IQGAP1: variants seen among roughly 807,000 people sequenced by gnomAD.
The protein encoded by IQGAP1 is IQ motif containing GTPase activating protein 1.
A neutral mutation model predicts 215.6 loss-of-function variants in IQGAP1; 66 were observed. That is an observed-to-expected ratio of 0.31 (90% CI 0.25 to 0.38). The LOEUF (loss-of-function observed/expected upper bound fraction) is 0.38. Among genes scored for constraint, IQGAP1 ranks in the 10% least tolerant of loss-of-function variants. IQGAP1 has a pLI of 1.00. For missense variants in IQGAP1, 1,712 were observed against 1,997.1 expected, an observed-to-expected ratio of 0.86 and a Z score of 2.72; for synonymous variants, 772 against 728.7, an observed-to-expected ratio of 1.06 and a Z score of -0.96.
chr15:90,455,297 G>A (rs1480798646), intron 14 of IQGAP1, among the ~76,000 whole-genome samples: 6 of 152,174 alleles, frequency 3.9e-5, no homozygotes, highest in African/African-American at 2.4e-5. Context: ...GCTCCCTGGA[G>A]AATGGGAGGC....
At chr15:90,436,283 G>C (rs1567125668) in intron 5 of IQGAP1, among the ~76,000 whole-genome samples, 1 of 152,090 alleles carries the variant, frequency 6.6e-6, no homozygotes, top group Admixed American at 6.6e-5. Flanking sequence ...TAATGGATTG[G>C]ATTGAGGATG....
intron 6 of IQGAP1, among the ~76,000 whole-genome samples, chr15:90,439,611 T>A (rs1167119779): frequency 6.6e-6 from 1 of 152,210 alleles, no homozygotes; most frequent in Non-Finnish European, 1.5e-5. Flanking sequence ...GTGAACATGA[T>A]TAGTGAGTCT....
intron 2 of IQGAP1, chr15:90,393,720 A>G (rs1276323685): frequency 2.0e-5 from 3 of 152,134 alleles, no homozygotes; most frequent in Non-Finnish European, 4.4e-5. Context: ...GCTACTCTAG[A>G]GCGTCTTTTT....
At chr15:90,485,663 C>T (rs746705825) in intron 30 of IQGAP1, among the ~76,000 whole-genome samples, 1 of 152,110 alleles carries the variant, frequency 6.6e-6, no homozygotes, top group Non-Finnish European at 1.5e-5. Flanking sequence ...TGGTCTTGAA[C>T]GCCTGACCTC....
intron 18 of IQGAP1, among the ~76,000 whole-genome samples, chr15:90,469,201 A>G (rs543165476): frequency 1.3e-5 from 2 of 152,182 alleles, no homozygotes; most frequent in East Asian, 1.9e-4. Flanking sequence ...TACTGGGGGA[A>G]GATGCTCAGT....
chr15:90,409,185 C>T (rs1175641859), intron 2 of IQGAP1, among the ~76,000 whole-genome samples: 1 of 151,774 alleles, frequency 6.6e-6, no homozygotes, highest in African/African-American at 2.4e-5. Context: ...TCCTAGATAC[C>T]CTGATTGTTT....
chr15:90,447,276 A>G (rs1965539709), intron 9 of IQGAP1, among the ~76,000 whole-genome samples: 1 of 152,216 alleles, frequency 6.6e-6, no homozygotes, highest in Non-Finnish European at 1.5e-5. Context: ...AGAAATAAAC[A>G]GTATCTTAGG....
intron 2 of IQGAP1, among the ~76,000 whole-genome samples, chr15:90,392,532 C>G (rs1222968215): frequency 2.0e-5 from 3 of 152,100 alleles, no homozygotes; most frequent in East Asian, 1.9e-4. Flanking sequence ...CCTTCCTTCC[C>G]CCATCCAAAG....
intron 15 of IQGAP1, among the ~76,000 whole-genome samples, chr15:90,456,543 T>C (rs1215561368): frequency 2.0e-5 from 3 of 152,034 alleles, no homozygotes; most frequent in African/African-American, 7.2e-5. Context: ...TTGTTGACAG[T>C]CTTTTGTGTC....
At chr15:90,420,047 G>A (rs1342937968) in intron 2 of IQGAP1, among the ~76,000 whole-genome samples, 1 of 152,142 alleles carries the variant, frequency 6.6e-6, no homozygotes, top group Middle Eastern at 3.2e-3. Flanking sequence ...GTGGGTAGGT[G>A]CTATTATTAT....
At chr15:90,489,353 C>G (rs1966172436) in intron 33 of IQGAP1, among the ~76,000 whole-genome samples, 1 of 152,094 alleles carries the variant, frequency 6.6e-6, no homozygotes, top group South Asian at 2.1e-4. Context: ...GTCTCAAACT[C>G]TTGACCTCAA....
At position 90,486,186 on chromosome 15, in the gene IQGAP1, T is replaced by A. The variant is rs148421943; in HGVS notation, c.4024+54T>A. 1,816 of 1,253,240 alleles carry A rather than the reference T, an allele frequency of 1.4e-3. 10 individuals carry two copies. In the African/African-American group the frequency reaches 0.017, roughly 12 times the overall value. The allele number at this position is 1,253,240 out of a possible 1,614,324, so 77.6% of individuals were successfully genotyped here. A position where few individuals can be genotyped will look rare whatever the true frequency, so the allele number is the denominator to read the frequency against. ...CAAAAGGGAATGTGACAGAAAAGTG[T>A]TGTAATTGTCACCTCCTCTATTTTT... On this transcript the variant is annotated intron_variant, in intron 31 of 37. Transcript: ENST00000268182.
chr15:90,429,727 C>T, intron 4 of IQGAP1, 61 bp downstream of exon 4: 1 of 1,038,428 alleles, frequency 9.6e-7, no homozygotes, highest in Non-Finnish European at 1.4e-6. Context: ...AACCCTCAAA[C>T]AACCTGTTCT....
At position 90,388,262 on chromosome 15, in the gene IQGAP1, C is replaced by G; in HGVS notation, c.-80C>G. On this transcript the variant is annotated 5_prime_UTR_variant, in exon 1 of 38. Transcript: ENST00000268182. Reference sequence around the variant, plus strand: ...TCGGGGACCCCGGCAAGCCCGCGCACTTGGCAGGAGCTGTAGCTACCGCCG... The same window carrying G: ...TCGGGGACCCCGGCAAGCCCGCGCAGTTGGCAGGAGCTGTAGCTACCGCCG... 1 of 1,516,936 alleles carries G rather than the reference C, an allele frequency of 6.6e-7. No homozygotes were observed. Among genetic ancestry groups the G allele is most frequent in the Non-Finnish European group, 9.0e-7 (1 of 1,114,572 alleles). 94.0% of individuals were successfully genotyped at this position (1,516,936 alleles called of 1,614,324 possible). A position where few individuals can be genotyped will look rare whatever the true frequency, so the allele number is the denominator to read the frequency against.
intron 3 of IQGAP1, among the ~76,000 whole-genome samples, chr15:90,429,313 T>G (rs1158247465): frequency 6.6e-6 from 1 of 152,216 alleles, no homozygotes; most frequent in African/African-American, 2.4e-5. Context: ...GTGTCACCAG[T>G]AGATTACTAA....
chr15:90,435,697 C>G (rs1472478136), intron 5 of IQGAP1, among the ~76,000 whole-genome samples: 1 of 152,184 alleles, frequency 6.6e-6, no homozygotes, highest in Non-Finnish European at 1.5e-5. Flanking sequence ...CCCTCAAATT[C>G]TCTGTAGTAG....
intron 37 of IQGAP1, among the ~76,000 whole-genome samples, chr15:90,498,936 A>C (rs570680935): frequency 6.6e-6 from 1 of 152,080 alleles, no homozygotes; most frequent in African/African-American, 2.4e-5. Flanking sequence ...CAGCCTCCTG[A>C]GTAGCTGAGA....
chr15:90,477,558 A>G (rs1965997626), intron 25 of IQGAP1, 107 bp from the exon 26 acceptor site: 2 of 825,204 alleles, frequency 2.4e-6, no homozygotes, highest in South Asian at 3.2e-5. Flanking sequence ...GTGCTGGGGA[A>G]TGTTTCGAGA....
At chr15:90,411,754 TA>T (rs1456960005) in intron 2 of IQGAP1, among the ~76,000 whole-genome samples, 1 of 152,200 alleles carries the variant, frequency 6.6e-6, no homozygotes, top group Admixed American at 6.5e-5. Flanking sequence ...TCATTTCATT[TA>T]AGATTAAAAG....
Sources: gnomAD v4.1 joint callset for allele counts (sites outside exome capture counted in the v4.1 genomes callset) on GRCh38, gnomAD v4.1.1 for gene constraint, MANE v1.5 for transcripts, NCBI Gene and HGNC (gene_info 2026-07-23, HGNC 2026-07-21) for gene names.